Variants in NSF observed in about 807,000 individuals in gnomAD.
NSF encodes the protein vesicle-fusing ATPase.
In NSF, 14 loss-of-function variants were observed where a neutral mutation model predicts 50.3. The observed-to-expected ratio is 0.28, with a 90% CI of 0.18 to 0.44. NSF has a LOEUF of 0.44. Among genes scored for constraint, NSF ranks in the 20% least tolerant of loss-of-function variants. The probability of loss-of-function intolerance (pLI) is 1.00; values close to 1 mark genes in which losing one functional copy is unlikely to be tolerated. For missense variants in NSF, 218 were observed against 504.3 expected, an observed-to-expected ratio of 0.43 and a Z score of 5.44; for synonymous variants, 109 against 175.7, an observed-to-expected ratio of 0.62 and a Z score of 3.00.
chr17:46,755,914 C>A lies in NSF; in HGVS notation c.*91C>A. The A allele has an allele frequency of 1.6e-6, 2 of 1,286,094 alleles. No homozygotes were observed. Among genetic ancestry groups the A allele is most frequent in the Non-Finnish European group, 2.2e-6 (2 of 904,932 alleles). The allele number at this position is 1,286,094 out of a possible 1,614,324, so 79.7% of individuals were successfully genotyped here. ...TCACTGTCTTACTCAAGATACTGGACTAAGTGGAACGTTCTCTACCTTCAA... is the reference window on the plus strand; with the variant it reads ...TCACTGTCTTACTCAAGATACTGGAATAAGTGGAACGTTCTCTACCTTCAA... On this transcript the variant is annotated 3_prime_UTR_variant, in exon 21 of 21. Transcript: ENST00000398238.
intron 15 of NSF, among the ~76,000 whole-genome samples, chr17:46,725,524 G>A (rs1237906207): frequency 1.3e-5 from 2 of 152,096 alleles, no homozygotes; most frequent in African/African-American, 2.4e-5. Context: ...CTCTATTATG[G>A]TAACTTAATT....
chr17:46,609,882 G>C (rs1043881788), intron 1 of NSF, among the ~76,000 whole-genome samples: 1 of 140,138 alleles, frequency 7.1e-6, no homozygotes, highest in Non-Finnish European at 1.6e-5. Context: ...CTGGAATGCA[G>C]TGGCGTGATC....
At chr17:46,708,580 C>T (rs1273438052) in intron 13 of NSF, among the ~76,000 whole-genome samples, 3 of 148,658 alleles carry the variant, frequency 2.0e-5, no homozygotes, top group South Asian at 2.1e-4. Flanking sequence ...CAACCTCTGC[C>T]TCCCAGGTTT....
rs1447074045 is a variant in NSF, at chr17:46,618,407, AAT to A, written c.13-5836_13-5835del. 1.6e-5 allele frequency among the ~76,000 whole-genome samples: 2 copies of A among 123,712 alleles called. 1 individual carries two copies. The highest frequency in any genetic ancestry group is 3.3e-5 in the Non-Finnish European group (2 of 61,038). 81.2% of individuals were successfully genotyped at this position (123,712 alleles called of 152,430 possible). A position where few individuals can be genotyped will look rare whatever the true frequency, so the allele number is the denominator to read the frequency against. ...ATAGAGACTTATACTTCGTTGAAAAAATGAGATACCATGCCTGGCTTACCATA... is the reference window on the plus strand; with the variant it reads ...ATAGAGACTTATACTTCGTTGAAAAAGAGATACCATGCCTGGCTTACCATA... On this transcript the variant is annotated intron_variant, in intron 1 of 20. Transcript: ENST00000398238.
chr17:46,745,212 A>G (rs2059116087), intron 17 of NSF, among the ~76,000 whole-genome samples: 1 of 152,204 alleles, frequency 6.6e-6, no homozygotes, highest in African/African-American at 2.4e-5. Context: ...GACGAATCCC[A>G]TGCAATGTAT....
chr17:46,715,897 G>A (rs534207175), intron 15 of NSF, among the ~76,000 whole-genome samples: 1 of 152,252 alleles, frequency 6.6e-6, no homozygotes, highest in South Asian at 2.1e-4. Flanking sequence ...TTTAATTCAT[G>A]ATTCACTGTC....
intron 8 of NSF, among the ~76,000 whole-genome samples, chr17:46,657,367 G>A (rs2058267923): frequency 6.6e-6 from 1 of 152,038 alleles, no homozygotes; most frequent in African/African-American, 2.4e-5. Context: ...AAAATATAAT[G>A]GTTTCATGAG....
chr17:46,610,071 T>C (rs373494174), intron 1 of NSF, among the ~76,000 whole-genome samples: 4 of 129,966 alleles, frequency 3.1e-5, no homozygotes, highest in South Asian at 2.3e-4. Flanking sequence ...TTCTTTCCTT[T>C]CTTTCCTTCT....
rs2059236459 is a variant in NSF, at chr17:46,756,567, G to A, written c.*744G>A. 1 of 152,422 alleles carries A rather than the reference G, an allele frequency of 6.6e-6. No individual in the cohort carries two copies. Among genetic ancestry groups the A allele is most frequent in the African/African-American group, 2.4e-5 (1 of 41,424 alleles). 9.4% of individuals were successfully genotyped at this position (152,422 alleles called of 1,614,324 possible). A position where few individuals can be genotyped will look rare whatever the true frequency, so the allele number is the denominator to read the frequency against. On this transcript the variant is annotated 3_prime_UTR_variant, in exon 21 of 21. Transcript: ENST00000398238. The stretch of plus-strand genomic sequence containing the variant: ...TGTTGTTAAAAACATGTGAAAGATA[G>A]GTATGGAAAAAGCATACACCCCCAA...
intron 19 of NSF, among the ~76,000 whole-genome samples, chr17:46,753,963 A>G (rs1024635015): frequency 1.3e-5 from 2 of 152,172 alleles, no homozygotes; most frequent in African/African-American, 4.8e-5. Flanking sequence ...AGAGCTGAGG[A>G]TCTGCTCTGA....
At chr17:46,743,443 A>G (rs1003765711) in intron 17 of NSF, among the ~76,000 whole-genome samples, 1 of 152,126 alleles carries the variant, frequency 6.6e-6, no homozygotes, top group Admixed American at 6.5e-5. Flanking sequence ...CTCTATTCTC[A>G]TAAGTAGGTA....
intron 18 of NSF, 54 bp from the exon 19 acceptor site, chr17:46,751,449 A>G (rs1023533480): frequency 5.3e-5 from 66 of 1,240,812 alleles, no homozygotes; most frequent in African/African-American, 8.8e-5. Context: ...GAATTAACCA[A>G]TGTTGATGTG....
intron 17 of NSF, among the ~76,000 whole-genome samples, chr17:46,745,037 C>G (rs2059113379): frequency 2.8e-5 from 1 of 35,384 alleles, no homozygotes; most frequent in Non-Finnish European, 5.2e-5. Context: ...GGTTATCACT[C>G]TGTGCTTTTT....
intron 1 of NSF, among the ~76,000 whole-genome samples, chr17:46,602,674 C>T (rs1250857902): frequency 7.3e-6 from 1 of 136,700 alleles, no homozygotes; most frequent in Non-Finnish European, 1.6e-5. Flanking sequence ...GTTGCTTTGA[C>T]AAGCAATGAA....
At chr17:46,676,644 TA>T (rs1448717496) in intron 9 of NSF, among the ~76,000 whole-genome samples, 1 of 101,392 alleles carries the variant, frequency 9.9e-6, no homozygotes, top group Non-Finnish European at 1.9e-5. Context: ...TTAAAAAAAT[TA>T]TTCAGGTGCA....
chr17:46,727,690 T>A (rs1253264635), intron 16 of NSF, among the ~76,000 whole-genome samples: 1 of 152,156 alleles, frequency 6.6e-6, no homozygotes, highest in Non-Finnish European at 1.5e-5. Context: ...TATGGGATGA[T>A]TTCTTTAAAA....
intron 17 of NSF, among the ~76,000 whole-genome samples, chr17:46,732,709 T>C (rs925811745): frequency 1.3e-5 from 2 of 152,208 alleles, no homozygotes; most frequent in Non-Finnish European, 2.9e-5. Context: ...AAAGCTTTTC[T>C]AAAATGGATT....
At chr17:46,713,691 T>C (rs960657053) in intron 14 of NSF, among the ~76,000 whole-genome samples, 162 bp from the exon 15 acceptor site, 1 of 152,246 alleles carries the variant, frequency 6.6e-6, no homozygotes, top group African/African-American at 2.4e-5. Context: ...GTTTAGTTGC[T>C]AATAAATAAG....
chr17:46,633,908 G>C (rs1482413246), intron 4 of NSF, among the ~76,000 whole-genome samples: 5 of 50,966 alleles, frequency 9.8e-5, no homozygotes, highest in Non-Finnish European at 1.6e-4. Flanking sequence ...TTTCACTCTT[G>C]TTGCCCAGGC....
Sources: gnomAD v4.1 joint callset for allele counts (sites outside exome capture counted in the v4.1 genomes callset) on GRCh38, gnomAD v4.1.1 for gene constraint, MANE v1.5 for transcripts, NCBI Gene and HGNC (gene_info 2026-07-23, HGNC 2026-07-21) for gene names.